Variants in GFRA2 observed in about 807,000 individuals in gnomAD.
The protein encoded by GFRA2 is GDNF family receptor alpha 2.
Under a neutral mutation model 48.3 loss-of-function variants are expected in GFRA2, and 17 were observed. The ratio of observed to expected loss-of-function variants is 0.35; its 90% CI spans 0.24 to 0.53. The LOEUF (loss-of-function observed/expected upper bound fraction) is 0.53, where lower values mean the gene tolerates loss of function less well. Among genes scored for constraint, GFRA2 ranks in the 20% least tolerant of loss-of-function variants. The probability of loss-of-function intolerance (pLI) is 0.93; values close to 1 mark genes in which losing one functional copy is unlikely to be tolerated. For missense variants in GFRA2, 660 were observed against 637.3 expected (o/e 1.04, Z -0.38); for synonymous variants, 305 against 257.2 (o/e 1.19, Z -1.78).
chr8:21,708,143 C>A lies in GFRA2; in HGVS notation c.795-2102G>T, dbSNP rs542145130. ...GGGCCTGGAGCCCTTGAAGGCCCTT[C>A]CAGAGCCATCATTCTGCACCTCAGG... On this transcript the variant is annotated intron_variant, in intron 4 of 8. Coordinates refer to ENST00000524240, the MANE Select transcript of GFRA2 (RefSeq NM_001495.5). Among the ~76,000 whole-genome samples the A allele has an allele frequency of 1.4e-4, 21 of 152,342 alleles. No individual in the cohort carries two copies. The South Asian group carries it at 4.3e-3, about 32-fold the overall frequency.
At chr8:21,734,892 G>T (rs1804373459) in intron 4 of GFRA2, among the ~76,000 whole-genome samples, 1 of 152,176 alleles carries the variant, frequency 6.6e-6, no homozygotes, top group South Asian at 2.1e-4. Context: ...GCTGGGAACT[G>T]CCCAGGGCAA....
At chr8:21,728,863 G>T (rs1486211262) in intron 4 of GFRA2, among the ~76,000 whole-genome samples, 1 of 152,232 alleles carries the variant, frequency 6.6e-6, no homozygotes, top group Non-Finnish European at 1.5e-5. Flanking sequence ...TGGTGACACC[G>T]TGGCTAACAC....
intron 4 of GFRA2, among the ~76,000 whole-genome samples, chr8:21,747,064 A>G (rs1218510868): frequency 6.6e-6 from 1 of 152,112 alleles, no homozygotes; most frequent in East Asian, 1.9e-4. Flanking sequence ...GCAGTCCTCC[A>G]GCTTTTGAGC....
At chr8:21,802,299 C>T (rs1807786320) in intron 2 of GFRA2, among the ~76,000 whole-genome samples, 1 of 152,208 alleles carries the variant, frequency 6.6e-6, no homozygotes, top group East Asian at 1.9e-4. Flanking sequence ...CTCCACCAGC[C>T]TTAAAGCACC....
At chr8:21,765,592 C>A (rs1276374067) in intron 3 of GFRA2, among the ~76,000 whole-genome samples, 2 of 152,012 alleles carry the variant, frequency 1.3e-5, no homozygotes. Flanking sequence ...GGTTCCGTGG[C>A]TTTAAACACT....
upstream of GFRA2, among the ~76,000 whole-genome samples, chr8:21,792,506 C>T (rs77130515): frequency 2.0e-5 from 3 of 152,158 alleles, no homozygotes; most frequent in African/African-American, 7.2e-5. Context: ...GCAGGGCCAA[C>T]GGCTGTGGGG....
chr8:21,709,163 C>A (rs1802892783), intron 4 of GFRA2, among the ~76,000 whole-genome samples: 1 of 152,192 alleles, frequency 6.6e-6, no homozygotes, highest in African/African-American at 2.4e-5. Context: ...AAGCACCAGG[C>A]CTTAGCTCTA....
At chr8:21,715,174 C>T (rs762241283) in intron 4 of GFRA2, among the ~76,000 whole-genome samples, 2 of 152,250 alleles carry the variant, frequency 1.3e-5, no homozygotes, top group Non-Finnish European at 2.9e-5. Flanking sequence ...CAAGGACCAA[C>T]TTGGCTCCCT....
intron 3 of GFRA2, among the ~76,000 whole-genome samples, chr8:21,765,693 C>CG (rs1188343710): frequency 4.6e-5 from 7 of 152,044 alleles, no homozygotes; most frequent in Non-Finnish European, 7.4e-5. Context: ...TTGGCACTTC[C>CG]GGGGGGAGAT....
chr8:21,780,509 G>A (rs1585334779), intron 2 of GFRA2, among the ~76,000 whole-genome samples: 2 of 152,100 alleles, frequency 1.3e-5, no homozygotes, highest in Non-Finnish European at 2.9e-5. Flanking sequence ...CTCTCACTGC[G>A]GTCATGCACA....
intron 2 of GFRA2, among the ~76,000 whole-genome samples, chr8:21,800,504 G>T (rs1197713279): frequency 5.3e-5 from 8 of 152,230 alleles, no homozygotes; most frequent in African/African-American, 1.9e-4. Flanking sequence ...TAACCCATCT[G>T]CAAGTCCTAG....
intron 7 of GFRA2, 33 bp from the exon 8 acceptor site, chr8:21,694,550 C>G (rs775164394): frequency 6.3e-7 from 1 of 1,597,162 alleles, no homozygotes; most frequent in East Asian, 2.3e-5. Context: ...CAGGACGAGT[C>G]ACCAGGCTGT....
chr8:21,791,353 AAC>A (rs1807570451), upstream of GFRA2, among the ~76,000 whole-genome samples: 1 of 152,052 alleles, frequency 6.6e-6, no homozygotes, highest in Admixed American at 6.6e-5. Context: ...AACAGTAGAG[AAC>A]ACCAATCAGT....
intron 4 of GFRA2, among the ~76,000 whole-genome samples, chr8:21,727,166 T>A (rs1440489400): frequency 6.6e-6 from 1 of 152,156 alleles, no homozygotes; most frequent in East Asian, 1.9e-4. Context: ...CCACGAGGTG[T>A]TTGATCTCAC....
chr8:21,788,211 T>C lies in GFRA2; in HGVS notation c.-52A>G, dbSNP rs897958480. ...TCTTTCTCCCTTGGGTAAAAAAAAA[T>C]AATAGTAGTAACAACAACAATAATA... On this transcript the variant is annotated 5_prime_UTR_variant, in exon 1 of 9. Transcript: ENST00000524240. The C allele has an allele frequency of 6.3e-7, 1 of 1,584,968 alleles. No homozygotes were observed. Among genetic ancestry groups the C allele is most frequent in the East Asian group, 2.4e-5 (1 of 42,386 alleles).
intron 4 of GFRA2, among the ~76,000 whole-genome samples, chr8:21,714,035 C>T (rs1803204153): frequency 1.3e-5 from 2 of 152,198 alleles, no homozygotes; most frequent in South Asian, 4.1e-4. Flanking sequence ...CACGGAGACA[C>T]ACAGTTACAC....
chr8:21,751,939 C>T (rs1359793350), intron 3 of GFRA2, among the ~76,000 whole-genome samples: 1 of 152,202 alleles, frequency 6.6e-6, no homozygotes, highest in Non-Finnish European at 1.5e-5. Context: ...ATAGCCAAGA[C>T]TGGGCATTCT....
chr8:21,787,502 C>T (rs1202839024), intron 1 of GFRA2, among the ~76,000 whole-genome samples: 1 of 152,152 alleles, frequency 6.6e-6, no homozygotes, highest in Non-Finnish European at 1.5e-5. Flanking sequence ...TGGGGAGAAA[C>T]TTGAAAAGTG....
chr8:21,721,017 G>A (rs1361310596), intron 4 of GFRA2, among the ~76,000 whole-genome samples: 1 of 151,526 alleles, frequency 6.6e-6, no homozygotes, highest in Non-Finnish European at 1.5e-5. Flanking sequence ...TGGAGGGGAG[G>A]GGAGGGGAAG....
Sources: allele counts gnomAD v4.1 joint callset (sites outside exome capture counted in the v4.1 genomes callset), GRCh38; gene constraint gnomAD v4.1.1; transcripts MANE v1.5; gene names NCBI Gene and HGNC (gene_info 2026-07-23, HGNC 2026-07-21).